Variants in LINGO2 observed in about 807,000 individuals in gnomAD.
LINGO2 encodes the protein leucine-rich repeat and immunoglobulin-like domain-containing nogo receptor-interacting protein 2.
LINGO2 carries 14 observed loss-of-function variants against 30.6 expected under a neutral mutation model. The ratio of observed to expected loss-of-function variants is 0.46; its 90% confidence interval spans 0.30 to 0.72. The LOEUF (loss-of-function observed/expected upper bound fraction) is 0.72, where lower values mean the gene tolerates loss of function less well. LINGO2 is among the 30% of genes least tolerant of loss of function. LINGO2 has a pLI of 0.07. For synonymous variants in LINGO2, 317 were observed against 288.5 expected, an observed-to-expected ratio of 1.10 and a Z score of -1.00; for missense variants, 729 against 751.7, an observed-to-expected ratio of 0.97 and a Z score of 0.35.
At chr9:28,615,072 A>C (rs1826080238) in intron 1 of LINGO2, among the ~76,000 whole-genome samples, 1 of 152,112 alleles carries the variant, frequency 6.6e-6, no homozygotes, top group South Asian at 2.1e-4. Context: ...GGACATTTTA[A>C]ATTTTCTGTA....
chr9:28,578,431 T>TA (rs1824095551), intron 1 of LINGO2, among the ~76,000 whole-genome samples: 1 of 152,128 alleles, frequency 6.6e-6, no homozygotes, highest in South Asian at 2.1e-4. Flanking sequence ...ACTATGCGCA[T>TA]TGTGCAATAG....
At chr9:28,211,915 A>T (rs1820605533) in intron 4 of LINGO2, among the ~76,000 whole-genome samples, 1 of 148,768 alleles carries the variant, frequency 6.7e-6, no homozygotes. Context: ...TCTGCTTTGC[A>T]TTCTCATGCT....
At chr9:29,110,428 G>C in the LINGO2 span, among the ~76,000 whole-genome samples, 1 of 151,884 alleles carries the variant, frequency 6.6e-6, no homozygotes, top group Admixed American at 6.6e-5. Flanking sequence ...CACCTCCCGA[G>C]TTCACGCCAT....
At chr9:28,373,752 T>C (rs1255620414) in intron 2 of LINGO2, among the ~76,000 whole-genome samples, 3 of 151,848 alleles carry the variant, frequency 2.0e-5, no homozygotes, top group South Asian at 2.1e-4. Flanking sequence ...ATACAAAAAT[T>C]AGTTGGGCAT....
chr9:29,158,199 A>C, the LINGO2 span, among the ~76,000 whole-genome samples: 3 of 151,636 alleles, frequency 2.0e-5, no homozygotes, highest in Non-Finnish European at 4.4e-5. Flanking sequence ...AAAAACAAAA[A>C]AAAAACAAAT....
the LINGO2 span, among the ~76,000 whole-genome samples, chr9:29,135,098 C>T: frequency 6.6e-6 from 1 of 152,036 alleles, no homozygotes; most frequent in African/African-American, 2.4e-5. Context: ...CTTATATTGT[C>T]TGCTTTTGGT....
the LINGO2 span, among the ~76,000 whole-genome samples, chr9:29,157,742 G>A: frequency 4.6e-5 from 7 of 151,696 alleles, no homozygotes; most frequent in African/African-American, 7.3e-5. Context: ...ATAATATCTC[G>A]GCTTGTATAA....
intron 4 of LINGO2, among the ~76,000 whole-genome samples, chr9:28,170,908 C>T (rs1828563113): frequency 6.6e-6 from 1 of 152,076 alleles, no homozygotes; most frequent in Non-Finnish European, 1.5e-5. Flanking sequence ...CTGCAAAGTC[C>T]CTTGGTTACA....
the LINGO2 span, among the ~76,000 whole-genome samples, chr9:29,145,389 G>T: frequency 6.6e-6 from 1 of 150,686 alleles, no homozygotes; most frequent in East Asian, 2.0e-4. Context: ...TAGCTCTATT[G>T]TTCTTCCAAA....
chr9:28,431,246 T>A (rs1348735476), intron 2 of LINGO2, among the ~76,000 whole-genome samples: 2 of 152,080 alleles, frequency 1.3e-5, no homozygotes, highest in Non-Finnish European at 2.9e-5. Flanking sequence ...GAGAAGGTAA[T>A]CTAAGAGACT....
chr9:29,199,558 A>G, the LINGO2 span, among the ~76,000 whole-genome samples: 1 of 152,116 alleles, frequency 6.6e-6, no homozygotes, highest in Non-Finnish European at 1.5e-5. Flanking sequence ...GAAAGCATAG[A>G]GGCGAACTGG....
chr9:28,370,169 C>A (rs1363718280), intron 3 of LINGO2, among the ~76,000 whole-genome samples: 1 of 152,168 alleles, frequency 6.6e-6, no homozygotes, highest in Non-Finnish European at 1.5e-5. Flanking sequence ...CTTATTCTAA[C>A]GTTTAGCCTC....
At chr9:28,041,907 G>A (rs1407025561) in intron 4 of LINGO2, among the ~76,000 whole-genome samples, 1 of 152,150 alleles carries the variant, frequency 6.6e-6, no homozygotes, top group African/African-American at 2.4e-5. Flanking sequence ...GATCTTTGCA[G>A]TGAGTCAATG....
chr9:28,351,463 C>A (rs1819886918), intron 3 of LINGO2, among the ~76,000 whole-genome samples: 1 of 151,720 alleles, frequency 6.6e-6, no homozygotes. Flanking sequence ...GAAGTTGAAT[C>A]CCTGAATAGA....
At chr9:27,958,771 G>C (rs1025295079) in intron 5 of LINGO2, among the ~76,000 whole-genome samples, 2 of 151,992 alleles carry the variant, frequency 1.3e-5, no homozygotes, top group South Asian at 2.1e-4. Context: ...TGTGGTTAAG[G>C]GGGGACTACT....
chr9:27,944,058 C>T (rs2118166071), downstream of LINGO2: 1 of 152,284 alleles, frequency 6.6e-6, no homozygotes, highest in East Asian at 1.9e-4. Flanking sequence ...CTTTTACAAA[C>T]ATCTTAATTA....
chr9:28,507,531 C>A (rs970477031), intron 1 of LINGO2, among the ~76,000 whole-genome samples: 2 of 152,196 alleles, frequency 1.3e-5, no homozygotes, highest in African/African-American at 4.8e-5. Flanking sequence ...TGATCTTTCC[C>A]TCCTCCAGTA....
chr9:28,349,118 C>T (rs180991800), intron 3 of LINGO2, among the ~76,000 whole-genome samples: 2,899 of 152,298 alleles, frequency 0.019, 106 homozygotes, highest in African/African-American at 0.066. Context: ...GAATGCAGTT[C>T]CTCACTAGCA....
intron 3 of LINGO2, among the ~76,000 whole-genome samples, chr9:28,322,772 A>G (rs1013341987): frequency 1.3e-5 from 2 of 152,236 alleles, no homozygotes; most frequent in Admixed American, 1.3e-4. Context: ...AAAATCATAT[A>G]GACAACCTCA....
Sources: gnomAD v4.1 joint callset for allele counts (sites outside exome capture counted in the v4.1 genomes callset) on GRCh38, gnomAD v4.1.1 for gene constraint, MANE v1.5 for transcripts, NCBI Gene and HGNC (gene_info 2026-07-23, HGNC 2026-07-21) for gene names.